The following DNPEP variants were observed in gnomAD, a reference collection of about 807,000 sequenced individuals.
The protein encoded by DNPEP is aspartyl aminopeptidase.
Under a neutral mutation model 59.1 loss-of-function variants are expected in DNPEP, and 46 were observed. That is an observed-to-expected ratio of 0.78 (90% CI 0.61 to 0.99). The LOEUF is 0.99. DNPEP is among the 50% of genes least tolerant of loss of function. The pLI is 0.00. For synonymous variants in DNPEP, 229 were observed against 242.2 expected, an observed-to-expected ratio of 0.95 and a Z score of 0.50; for missense variants, 617 against 649.9, an observed-to-expected ratio of 0.95 and a Z score of 0.55.
At chr2:219,386,120 C>T (rs1388175726) in intron 5 of DNPEP, 22 bp from the exon 6 acceptor site, 3 of 1,613,590 alleles carry the variant, frequency 1.9e-6, no homozygotes, top group Admixed American at 1.7e-5. Flanking sequence ...CAGGCCAGGT[C>T]AGCCCAGGGT....
intron 1 of DNPEP, among the ~76,000 whole-genome samples, chr2:219,397,206 C>A (rs1046057752): frequency 2.9e-5 from 4 of 139,618 alleles, no homozygotes; most frequent in African/African-American, 1.0e-4. Flanking sequence ...CAGCCCCCCT[C>A]CCCTCCCCTC....
At position 219,374,066 on chromosome 2, in the gene DNPEP, A is replaced by C. The variant is rs1953273380; in HGVS notation, c.*226T>G. 1.9e-6 allele frequency: 1 copy of C among 515,252 alleles called. No homozygotes were observed. The highest frequency in any genetic ancestry group is 3.2e-5 in the Admixed American group (1 of 31,718). The allele number at this position is 515,252 out of a possible 1,614,324, so 31.9% of individuals were successfully genotyped here. A position where few individuals can be genotyped will look rare whatever the true frequency, so the allele number is the denominator to read the frequency against. The stretch of plus-strand genomic sequence containing the variant: ...TGAGACAGAGAAGAGATTTAAAACC[A>C]GATTTAAAACCATCAGCTCCCAGGA... On this transcript the variant is annotated 3_prime_UTR_variant, in exon 15 of 15. Transcript: ENST00000273075.
intron 1 of DNPEP, among the ~76,000 whole-genome samples, chr2:219,398,210 G>T (rs1164233429): frequency 6.6e-6 from 1 of 152,212 alleles, no homozygotes; most frequent in African/African-American, 2.4e-5. Context: ...GGCAGTACTT[G>T]TGAGCTAGTA....
intron 1 of DNPEP, among the ~76,000 whole-genome samples, chr2:219,394,834 C>T (rs1954070553): frequency 6.6e-6 from 1 of 152,130 alleles, no homozygotes; most frequent in East Asian, 1.9e-4. Flanking sequence ...ACTCCTTGTT[C>T]CCCAAACCTA....
Position 219,385,692 on chromosome 2 carries a change from G to GC in DNPEP, c.604dup (p.Ala202GlyfsTer14), listed in dbSNP as rs746949766. On this transcript the variant is annotated frameshift_variant, in exon 7 of 15. Transcript: ENST00000273075. LOFTEE classifies it high-confidence loss of function. ...CTCCAGCTCCTCCTGGATGGCTGTG[G>GC]CAAGAATGGGGACTCTGTGGGGAGA... 1 of 1,605,600 alleles carries GC rather than the reference G, an allele frequency of 6.2e-7. No individual in the cohort carries two copies. Among genetic ancestry groups the GC allele is most frequent in the East Asian group, 2.2e-5 (1 of 44,538 alleles).
rs891671231 is a variant in DNPEP at position 219,374,269 on chromosome 2, C to G, written c.*23G>C. 17 of 1,610,322 alleles carry G rather than the reference C, an allele frequency of 1.1e-5. No individual in the cohort carries two copies. Among genetic ancestry groups the G allele is most frequent in the Non-Finnish European group, 1.4e-5 (16 of 1,176,614 alleles). Reference sequence around the variant, plus strand: ...TCCCCTCTCAGGTGCAAAGGGATGGCAGAGAAGTCTTTCCAAGAGGGCTCA... The same window carrying G: ...TCCCCTCTCAGGTGCAAAGGGATGGGAGAGAAGTCTTTCCAAGAGGGCTCA... On this transcript the variant is annotated 3_prime_UTR_variant, in exon 15 of 15. Transcript: ENST00000273075.
upstream of DNPEP, chr2:219,388,722 C>G: frequency 3.0e-6 from 3 of 985,570 alleles, no homozygotes; most frequent in Non-Finnish European, 3.6e-6. Context: ...GGGTACGGTA[C>G]AAAGTGCTGT....
chr2:219,398,208 T>C (rs1468893099), intron 1 of DNPEP, among the ~76,000 whole-genome samples: 1 of 152,264 alleles, frequency 6.6e-6, no homozygotes, highest in African/African-American at 2.4e-5. Flanking sequence ...TGGGCAGTAC[T>C]TGTGAGCTAG....
intron 1 of DNPEP, chr2:219,399,646 A>G: frequency 1.6e-6 from 1 of 633,340 alleles, no homozygotes; most frequent in Non-Finnish European, 2.8e-6. Flanking sequence ...GGTTGTTTGG[A>G]AAGATTAAAT....
chr2:219,399,861 G>T, intron 1 of DNPEP: 1 of 1,550,434 alleles, frequency 6.4e-7, no homozygotes, highest in Middle Eastern at 1.7e-4. Flanking sequence ...ACAGGCCCCG[G>T]TTACCTTGTG....
chr2:219,397,101 G>T (rs903014721), intron 1 of DNPEP, among the ~76,000 whole-genome samples: 2 of 152,084 alleles, frequency 1.3e-5, no homozygotes, highest in Non-Finnish European at 2.9e-5. Flanking sequence ...TAACAAAGTG[G>T]TTATGAGCGT....
At chr2:219,381,629 C>T in intron 11 of DNPEP, 45 bp from the exon 12 acceptor site, 1 of 1,593,538 alleles carries the variant, frequency 6.3e-7, no homozygotes. Context: ...CAGGAGCAGG[C>T]CTGTCGACAC....
intron 1 of DNPEP, among the ~76,000 whole-genome samples, chr2:219,398,863 C>T (rs928599128): frequency 3.9e-5 from 6 of 152,244 alleles, no homozygotes; most frequent in Admixed American, 3.3e-4. Context: ...GCTTCTGATG[C>T]ACCCCCTCCA....
Position 219,387,760 on chromosome 2 carries a change from T to G in DNPEP, c.35A>C (p.Gln12Pro). ...GTGGGGCCGTCGGGAGCCACTTACC[T>G]GCATGGCCCCGCGCGTGGGGCTGTG... is the stretch of plus-strand genomic sequence containing the variant. The part of the protein sequence containing the change: ...SGHSPTRGAM[Q>P]VAMNGKARKE... Residue 12 changes from glutamine to proline, a missense_variant and splice_region_variant, in exon 1 of 15, where the codon CAG (glutamine) becomes CCG (proline). Physicochemically the swap from Gln to Pro is moderately conservative, Grantham distance 76. Coordinates refer to ENST00000273075, the MANE Select transcript of DNPEP (RefSeq NM_012100.4). The G allele has an allele frequency of 6.2e-7, 1 of 1,606,378 alleles. No homozygotes were observed. The highest frequency in any genetic ancestry group is 8.5e-7 in the Non-Finnish European group (1 of 1,177,118).
Position 219,387,130 on chromosome 2 carries a change from C to G in DNPEP, c.70G>C (p.Val24Leu), listed in dbSNP as rs752740292. Residue 24 changes from valine to leucine, a missense_variant, in exon 2 of 15, where the codon GTG becomes CTG. By Grantham distance (32) the Val-to-Leu change is conservative. Transcript: ENST00000273075. ...AGGAGTTCCTTAGCCGCAGTCTGCA[C>G]CGCCTCTTTGCGGGCCTTACCGTTC... ...AMNGKARKEA[V>L]QTAAKELLKF... 6.4e-7 allele frequency: 1 copy of G among 1,569,742 alleles called. No individual in the cohort carries two copies. Among genetic ancestry groups the G allele is most frequent in the South Asian group, 1.2e-5 (1 of 86,502 alleles).
At chr2:219,379,726 GC>G (rs1953511756) in intron 13 of DNPEP, among the ~76,000 whole-genome samples, 1 of 151,944 alleles carries the variant, frequency 6.6e-6, no homozygotes, top group Non-Finnish European at 1.5e-5. Context: ...TTCGAGACCA[GC>G]CTGACCAACA....
intron 11 of DNPEP, 43 bp from the exon 12 acceptor site, chr2:219,381,627 G>A (rs1559335175): frequency 6.2e-7 from 1 of 1,603,096 alleles, no homozygotes; most frequent in Non-Finnish European, 8.5e-7. Flanking sequence ...AACAGGAGCA[G>A]GCCTGTCGAC....
rs543756127 is a variant in DNPEP at position 219,373,330 on chromosome 2, A to C, written c.*962T>G. Among the ~76,000 whole-genome samples the C allele has an allele frequency of 6.6e-6, 1 of 151,954 alleles. No homozygotes were observed. The highest frequency in any genetic ancestry group is 2.1e-4 in the South Asian group (1 of 4,794). ...TGATCCGCCCACCTCAGCCTCCTAA[A>C]GTGCTGGGACTACAGGCATGACCCA... is the stretch of plus-strand genomic sequence containing the variant. On this transcript the variant is annotated 3_prime_UTR_variant, in exon 15 of 15. Transcript: ENST00000273075.
chr2:219,398,793 C>A (rs1191707282), intron 1 of DNPEP, among the ~76,000 whole-genome samples: 1 of 152,224 alleles, frequency 6.6e-6, no homozygotes, highest in Non-Finnish European at 1.5e-5. Context: ...GGGTGCACTC[C>A]TACCACCCAA....
Sources: gnomAD v4.1 joint callset for allele counts (sites outside exome capture counted in the v4.1 genomes callset) on GRCh38, gnomAD v4.1.1 for gene constraint, MANE v1.5 for transcripts, NCBI Gene and HGNC (gene_info 2026-07-23, HGNC 2026-07-21) for gene names.